NUGGC: variants seen among roughly 807,000 people sequenced by gnomAD.
The protein encoded by NUGGC is nuclear GTPase, germinal center associated, also known as nuclear GTPase SLIP-GC.
NUGGC carries 58 observed loss-of-function variants against 92.6 expected under a neutral mutation model. That is an observed-to-expected ratio of 0.63 (90% CI 0.51 to 0.78). The LOEUF (loss-of-function observed/expected upper bound fraction) is 0.78. Ranked by LOEUF, NUGGC falls within the 30% of genes least tolerant of loss-of-function variation. The pLI is 0.00. For synonymous variants in NUGGC, 376 were observed against 366.4 expected, an observed-to-expected ratio of 1.03 and a Z score of -0.30; for missense variants, 925 against 964.6, an observed-to-expected ratio of 0.96 and a Z score of 0.54.
At chr8:28,071,361 T>C (rs1442967265) in intron 2 of NUGGC, among the ~76,000 whole-genome samples, 1 of 152,098 alleles carries the variant, frequency 6.6e-6, no homozygotes, top group Non-Finnish European at 1.5e-5. Context: ...AGGGGCCAGG[T>C]GACCAGAAAA....
rs1176860527 is a variant in NUGGC at position 28,064,510 on chromosome 8, A to T, written c.921+12T>A. 2 of 1,612,846 alleles carry T rather than the reference A, an allele frequency of 1.2e-6. No homozygotes were observed. The highest frequency in any genetic ancestry group is 1.7e-6 in the Non-Finnish European group (2 of 1,178,914). On this transcript the variant is annotated intron_variant, in intron 7 of 18. Coordinates refer to ENST00000413272, the MANE Select transcript of NUGGC (RefSeq NM_001010906.2). Reference sequence around the variant, plus strand: ...TAGGGAAGAGAGAACTAAACCTACGAAAGACAGTCACCTTTTTCCACATCT... The same window carrying T: ...TAGGGAAGAGAGAACTAAACCTACGTAAGACAGTCACCTTTTTCCACATCT...
In NUGGC at chr8:28,023,101, G is replaced by C; in HGVS notation, c.*216C>G. On this transcript the variant is annotated 3_prime_UTR_variant, in exon 19 of 19. Coordinates refer to ENST00000413272, the MANE Select transcript of NUGGC (RefSeq NM_001010906.2). Reference sequence around the variant, plus strand: ...AAAAAAAAAAAAATTACCCAGGTGTGGTGGCCTGTACCTGTAGCCCCAGCT... The same window carrying C: ...AAAAAAAAAAAAATTACCCAGGTGTCGTGGCCTGTACCTGTAGCCCCAGCT... 2.2e-6 allele frequency: 1 copy of C among 444,658 alleles called. No homozygotes were observed. The highest frequency in any genetic ancestry group is 3.5e-5 in the East Asian group (1 of 28,402). 27.5% of individuals were successfully genotyped at this position (444,658 alleles called of 1,614,324 possible).
intron 18 of NUGGC, 130 bp downstream of exon 18, chr8:28,026,832 C>T (rs1039215713): frequency 1.7e-4 from 115 of 674,082 alleles, no homozygotes; most frequent in African/African-American, 1.7e-3. Flanking sequence ...CCTTGCCCTG[C>T]TAATTCTTCC....
chr8:28,023,544 T>A, intron 18 of NUGGC, 82 bp from the exon 19 acceptor site: 1 of 1,357,584 alleles, frequency 7.4e-7, no homozygotes. Context: ...CCAACAATCC[T>A]GTCACTTGTC....
intron 4 of NUGGC, 76 bp downstream of exon 4, chr8:28,069,468 G>A (rs1810530446): frequency 4.1e-6 from 3 of 726,594 alleles, no homozygotes; most frequent in Admixed American, 2.3e-5. Flanking sequence ...CCCTTTCCTT[G>A]TTGGGGGAAA....
chr8:28,023,081 A>G lies in NUGGC; in HGVS notation c.*236T>C, dbSNP rs1809158864. The G allele has an allele frequency of 2.7e-6, 1 of 376,742 alleles. No homozygotes were observed. The highest frequency in any genetic ancestry group is 2.1e-5 in the African/African-American group (1 of 48,236). The allele number at this position is 376,742 out of a possible 1,614,324, so 23.3% of individuals were successfully genotyped here. ...CGAGACTCTGTCTCAAAAAAAAAAA[A>G]AAAAAAATTACCCAGGTGTGGTGGC... is the stretch of plus-strand genomic sequence containing the variant. On this transcript the variant is annotated 3_prime_UTR_variant, in exon 19 of 19. Coordinates refer to ENST00000413272, the MANE Select transcript of NUGGC (RefSeq NM_001010906.2).
chr8:28,034,352 A>C (rs1809500276), intron 13 of NUGGC, among the ~76,000 whole-genome samples: 1 of 152,234 alleles, frequency 6.6e-6, no homozygotes, highest in Non-Finnish European at 1.5e-5. Flanking sequence ...TAGTAAAGAG[A>C]GTAAAAATGT....
Position 28,031,527 on chromosome 8 carries a change from C to T in NUGGC, c.1770-146G>A, listed in dbSNP as rs1809418406. ...TATCAAATCCCTATAATGTGCCAGG[C>T]ACTGTGCTGTGCCAGACCTTTGACA... On this transcript the variant is annotated intron_variant, in intron 14 of 18. Transcript: ENST00000413272. The T allele has an allele frequency of 1.0e-5, 8 of 778,864 alleles. No individual in the cohort carries two copies. In the South Asian group the frequency reaches 1.5e-4, roughly 14 times the overall value. The allele number at this position is 778,864 out of a possible 1,614,324, so 48.2% of individuals were successfully genotyped here.
At chr8:28,039,764 G>C (rs116096364) in intron 13 of NUGGC, among the ~76,000 whole-genome samples, 3,633 of 152,224 alleles carry the variant, frequency 0.024, 159 homozygotes, top group African/African-American at 0.083. Context: ...AGCACGGGGG[G>C]ACACCAAGTC....
At chr8:28,029,475 A>G (rs531572089) in intron 16 of NUGGC, 73 bp from the exon 17 acceptor site, 180 of 1,546,460 alleles carry the variant, frequency 1.2e-4, no homozygotes, top group Middle Eastern at 1.7e-4. Flanking sequence ...ATGGCCGGGC[A>G]TGGTGGCTCA....
chr8:28,075,191 G>A (rs970344586), intron 1 of NUGGC, among the ~76,000 whole-genome samples: 6 of 152,086 alleles, frequency 3.9e-5, no homozygotes, highest in African/African-American at 1.4e-4. Context: ...TTGCTTTGGG[G>A]GGCTGCTGAC....
In NUGGC at chr8:28,027,013, T is replaced by A; in HGVS notation, c.2194A>T (p.Met732Leu). 1 of 1,613,838 alleles carries A rather than the reference T, an allele frequency of 6.2e-7. No individual in the cohort carries two copies. Residue 732 changes from methionine to leucine, a missense_variant, in exon 18 of 19, where the codon ATG becomes TTG. Physicochemically the swap from Met to Leu is conservative, Grantham distance 15. Transcript: ENST00000413272. ...VEKVKGSITTMLALASSQGDG... is the reference protein window; with the variant it reads ...VEKVKGSITTLLALASSQGDG... ...CCCTGGGACGAAGCAAGGGCCAGCA[T>A]AGTGGTGATGCTGCCCTTCACCTTC...
chr8:28,079,420 A>G (rs1327368067), intron 1 of NUGGC, among the ~76,000 whole-genome samples: 1 of 152,212 alleles, frequency 6.6e-6, no homozygotes, highest in Non-Finnish European at 1.5e-5. Flanking sequence ...CGCGCCTGTA[A>G]TCCCAGCTAC....
intron 13 of NUGGC, among the ~76,000 whole-genome samples, chr8:28,040,686 C>T (rs967346496): frequency 1.3e-5 from 2 of 150,646 alleles, no homozygotes; most frequent in African/African-American, 4.9e-5. Flanking sequence ...CTCACTCTCT[C>T]GCCAGGCTGG....
In NUGGC at chr8:28,031,356, G is replaced by T. The variant is rs1288065333; in HGVS notation, c.1795C>A (p.Leu599Met). Residue 599 changes from leucine (L) to methionine (M), a missense_variant, in exon 15 of 19, where the codon CTG becomes ATG. Physicochemically the swap from Leu to Met is conservative, Grantham distance 15 (BLOSUM62 2). Transcript: ENST00000413272. ...TTAAAAGCATCTATGTGAGGCATCA[G>T]AGCTGAACCAGTGGGCTTCCCCGTC... ...FRTGKPTGSA[L>M]MPHIDAFKQS... The T allele has an allele frequency of 3.7e-6, 6 of 1,613,988 alleles. No homozygotes were observed. Among genetic ancestry groups the T allele is most frequent in the Non-Finnish European group, 4.2e-6 (5 of 1,179,862 alleles).
At chr8:28,038,190 C>G (rs2130110622) in intron 13 of NUGGC, among the ~76,000 whole-genome samples, 1 of 152,278 alleles carries the variant, frequency 6.6e-6, no homozygotes, top group South Asian at 2.1e-4. Context: ...AAGATTCCAG[C>G]CTGCCACAGC....
Position 28,049,801 on chromosome 8 carries a change from G to T in NUGGC, c.1207-2189C>A, listed in dbSNP as rs570958610. 5.9e-5 allele frequency among the ~76,000 whole-genome samples: 9 copies of T among 152,320 alleles called. No homozygotes were observed. The East Asian group carries it at 1.5e-3, about 26-fold the overall frequency. On this transcript the variant is annotated intron_variant, in intron 10 of 18. Coordinates refer to ENST00000413272, the MANE Select transcript of NUGGC (RefSeq NM_001010906.2). ...AAAACGTGGAAGCTCAAACCAGAAG[G>T]GAGGCTAGGTGTGGTGGCTCACACC... is the stretch of plus-strand genomic sequence containing the variant.
chr8:28,073,819 G>A (rs1329181035), intron 2 of NUGGC, among the ~76,000 whole-genome samples: 1 of 152,034 alleles, frequency 6.6e-6, no homozygotes, highest in Admixed American at 6.5e-5. Flanking sequence ...TTATTATTGA[G>A]ATGGAGTCTC....
Position 28,042,424 on chromosome 8 carries a change from C to T in NUGGC, c.1447-1209G>A, listed in dbSNP as rs151027107. Among the ~76,000 whole-genome samples, 1,217 of 152,306 alleles carry T rather than the reference C, an allele frequency of 8.0e-3. 19 individuals carry two copies. Among genetic ancestry groups the T allele is most frequent in the African/African-American group, 0.028 (1,144 of 41,558 alleles). On this transcript the variant is annotated intron_variant, in intron 12 of 18. Coordinates refer to ENST00000413272, the MANE Select transcript of NUGGC (RefSeq NM_001010906.2). ...GACACATCCTGCCAAGTAGCTACCCCTGGACTTGCTGCTATTCCCCAAACA... is the reference window on the plus strand; with the variant it reads ...GACACATCCTGCCAAGTAGCTACCCTTGGACTTGCTGCTATTCCCCAAACA...
Sources: gnomAD v4.1 joint callset for allele counts (sites outside exome capture counted in the v4.1 genomes callset) on GRCh38, gnomAD v4.1.1 for gene constraint, MANE v1.5 for transcripts, NCBI Gene and HGNC (gene_info 2026-07-23, HGNC 2026-07-21) for gene names.